The following SOX5 variants were observed in gnomAD, a reference collection of about 807,000 sequenced individuals.
The protein encoded by SOX5 is transcription factor SOX-5.
In SOX5, 9 loss-of-function variants were observed where a neutral mutation model predicts 92.0. That is an observed-to-expected ratio of 0.10 (90% CI 0.06 to 0.17). SOX5 has a LOEUF of 0.17. Ranked by LOEUF, SOX5 falls within the 10% of genes least tolerant of loss-of-function variation. SOX5 has a pLI of 1.00. For synonymous variants in SOX5, 344 were observed against 336.3 expected (o/e 1.02, Z -0.25); for missense variants, 642 against 944.5 (o/e 0.68, Z 4.20).
At chr12:24,547,443 G>A (rs942236178) in intron 1 of SOX5, among the ~76,000 whole-genome samples, 9 of 150,732 alleles carry the variant, frequency 6.0e-5, no homozygotes, top group Non-Finnish European at 1.0e-4. Context: ...CACCCGCCTC[G>A]GCCTCCCAAA....
At chr12:24,167,092 C>T (rs896169198) in intron 4 of SOX5, among the ~76,000 whole-genome samples, 1 of 152,118 alleles carries the variant, frequency 6.6e-6, no homozygotes, top group Non-Finnish European at 1.5e-5. Flanking sequence ...TATTTTCTTT[C>T]TTTCTAAACC....
At chr12:23,853,929 C>G (rs2096660470) in intron 2 of SOX5, among the ~76,000 whole-genome samples, 1 of 152,048 alleles carries the variant, frequency 6.6e-6, no homozygotes, top group East Asian at 1.9e-4. Flanking sequence ...AAACATTTTC[C>G]TTTTAACATT....
intron 8 of SOX5, among the ~76,000 whole-genome samples, chr12:23,630,351 C>A (rs1008174353): frequency 6.6e-6 from 1 of 151,914 alleles, no homozygotes; most frequent in African/African-American, 2.4e-5. Context: ...AGATTGTCTT[C>A]TGGATAAGTA....
Position 23,608,309 on chromosome 12 carries a change from T to A in SOX5, c.1018-3776A>T, listed in dbSNP as rs539429447. ...CCTCAGAGCTTTCCAGTCTTTCTAT[T>A]GCTTAAAACATTGCATTCTCATTCT... On this transcript the variant is annotated intron_variant, in intron 8 of 14. Transcript: ENST00000451604. 2.6e-5 allele frequency among the ~76,000 whole-genome samples: 4 copies of A among 152,196 alleles called. No individual in the cohort carries two copies. The South Asian group carries it at 6.2e-4, about 24-fold the overall frequency.
At position 24,215,883 on chromosome 12, in the gene SOX5, T is replaced by C. The variant is rs1959131840; in HGVS notation, c.-76-2466A>G. ...AAAGCTACAATAATTAAGACATTAG[T>C]GGTACTGGTATAAGGATGCACATAT... On this transcript the variant is annotated intron_variant, in intron 3 of 4. Transcript: ENST00000446891. Among the ~76,000 whole-genome samples the C allele has an allele frequency of 3.3e-5, 5 of 152,016 alleles. No individual in the cohort carries two copies. The South Asian group carries it at 8.3e-4, about 25-fold the overall frequency.
At chr12:24,362,289 T>C (rs889009132) in intron 2 of SOX5, among the ~76,000 whole-genome samples, 1 of 148,980 alleles carries the variant, frequency 6.7e-6, no homozygotes, top group Admixed American at 6.8e-5. Context: ...AAAATAATGT[T>C]TGTTATTACA....
chr12:24,259,792 C>T (rs76543868), intron 3 of SOX5, among the ~76,000 whole-genome samples: 270 of 152,206 alleles, frequency 1.8e-3, no homozygotes, highest in African/African-American at 6.2e-3. Flanking sequence ...TTTCTATAGT[C>T]GGTGGGACGT....
chr12:24,307,762 T>A (rs867921536), intron 2 of SOX5, among the ~76,000 whole-genome samples: 34 of 43,468 alleles, frequency 7.8e-4, no homozygotes, highest in South Asian at 1.8e-3. Context: ...GGTGGCCTAA[T>A]GGAAGGAAGG....
chr12:24,479,194 T>C (rs1945708422), intron 1 of SOX5, among the ~76,000 whole-genome samples: 2 of 152,212 alleles, frequency 1.3e-5, no homozygotes, highest in African/African-American at 4.8e-5. Context: ...CATTCCTTAA[T>C]ATGTAATTCA....
intron 6 of SOX5, among the ~76,000 whole-genome samples, chr12:23,677,745 T>C (rs2085940637): frequency 6.6e-6 from 1 of 152,202 alleles, no homozygotes; most frequent in African/African-American, 2.4e-5. Context: ...AGGTGCTAGA[T>C]TGGTGTGAAT....
chr12:23,530,531 GTTAACTC>G lies in SOX5; in HGVS notation c.*3681_*3687del, dbSNP rs1565531373. On this transcript the variant is annotated 3_prime_UTR_variant, in exon 15 of 15. Transcript: ENST00000451604. ...TTCTTTGGGAGGGATTTTATACATG[GTTAACTC>G]TTAACTGCAGATGCCAAATGAACTT... 6.6e-6 allele frequency: 1 copy of G among 152,084 alleles called. No individual in the cohort carries two copies. Among genetic ancestry groups the G allele is most frequent in the Non-Finnish European group, 1.5e-5 (1 of 68,012 alleles). 9.4% of individuals were successfully genotyped at this position (152,084 alleles called of 1,614,324 possible). A position where few individuals can be genotyped will look rare whatever the true frequency, so the allele number is the denominator to read the frequency against.
chr12:24,289,280 C>CA (rs75803761), intron 2 of SOX5, among the ~76,000 whole-genome samples: 64,241 of 141,930 alleles, frequency 0.45, 16,249 homozygotes, highest in East Asian at 0.78. Flanking sequence ...GAACCTGTCT[C>CA]AAAAAAAAAA....
At chr12:24,158,255 T>C (rs540638215) in intron 4 of SOX5, among the ~76,000 whole-genome samples, 1 of 152,180 alleles carries the variant, frequency 6.6e-6, no homozygotes, top group South Asian at 2.1e-4. Context: ...GCAATAAAAA[T>C]GTTTATTTAA....
chr12:24,288,619 A>G (rs1946205872), intron 2 of SOX5, among the ~76,000 whole-genome samples: 1 of 152,228 alleles, frequency 6.6e-6, no homozygotes. Flanking sequence ...AGCGATGCAA[A>G]TGGAGAAAGT....
intron 2 of SOX5, among the ~76,000 whole-genome samples, chr12:23,875,854 C>A (rs751363323): frequency 1.1e-4 from 17 of 152,200 alleles, no homozygotes; most frequent in Admixed American, 1.0e-3. Context: ...AACCAGAAGT[C>A]TGCAAAGACT....
intron 11 of SOX5, among the ~76,000 whole-genome samples, chr12:23,555,931 C>A (rs1297242548): frequency 6.6e-6 from 1 of 152,164 alleles, no homozygotes; most frequent in Admixed American, 6.5e-5. Context: ...TACTCAATTT[C>A]TAAAAACAAA....
chr12:24,066,407 T>C (rs1940754222), intron 4 of SOX5, among the ~76,000 whole-genome samples: 1 of 152,156 alleles, frequency 6.6e-6, no homozygotes, highest in Non-Finnish European at 1.5e-5. Flanking sequence ...GAAGATGTAG[T>C]GAAAAACTTA....
chr12:23,990,202 T>A (rs1418129064), intron 4 of SOX5, among the ~76,000 whole-genome samples: 2 of 152,148 alleles, frequency 1.3e-5, no homozygotes, highest in Admixed American at 1.3e-4. Context: ...TTACCTAGTC[T>A]CTGTCTTATT....
chr12:24,294,209 G>C (rs1192782397), intron 2 of SOX5, among the ~76,000 whole-genome samples: 1 of 151,834 alleles, frequency 6.6e-6, no homozygotes, highest in East Asian at 1.9e-4. Context: ...ACCTCTTGTA[G>C]GACAGGCCTT....
Sources: gnomAD v4.1 joint callset for allele counts (sites outside exome capture counted in the v4.1 genomes callset) on GRCh38, gnomAD v4.1.1 for gene constraint, MANE v1.5 for transcripts, NCBI Gene and HGNC (gene_info 2026-07-23, HGNC 2026-07-21) for gene names.